SEMA3D: variants seen among roughly 807,000 people sequenced by gnomAD.
The protein encoded by SEMA3D is semaphorin-3D.
Under a neutral mutation model 100.1 loss-of-function variants are expected in SEMA3D, and 84 were observed. The ratio of observed to expected loss-of-function variants is 0.84; its 90% confidence interval spans 0.70 to 1.01. The LOEUF (loss-of-function observed/expected upper bound fraction) is 1.01. Ranked by LOEUF, SEMA3D falls within the 50% of genes least tolerant of loss-of-function variation. SEMA3D has a pLI of 0.00. For synonymous variants in SEMA3D, 312 were observed against 320.7 expected, an observed-to-expected ratio of 0.97 and a Z score of 0.29; for missense variants, 875 against 934.1, an observed-to-expected ratio of 0.94 and a Z score of 0.82.
chr7:85,246,620 T>A, the SEMA3D span, among the ~76,000 whole-genome samples: 1 of 151,966 alleles, frequency 6.6e-6, no homozygotes, highest in African/African-American at 2.4e-5. Flanking sequence ...GTAAATTAGA[T>A]GTGTGAAAAT....
At chr7:85,081,329 T>C (rs536702581) in intron 5 of SEMA3D, among the ~76,000 whole-genome samples, 188 bp downstream of exon 5, 1 of 152,338 alleles carries the variant, frequency 6.6e-6, no homozygotes, top group East Asian at 1.9e-4. Flanking sequence ...TCTTAAATTT[T>C]ATAAATAATA....
At chr7:85,142,075 T>C in intron 2 of SEMA3D, 1 of 984,680 alleles carries the variant, frequency 1.0e-6, no homozygotes, top group South Asian at 4.7e-5. Context: ...TTCTGTGAAC[T>C]ATACAGAAGT....
upstream of SEMA3D, among the ~76,000 whole-genome samples, chr7:85,189,028 A>G (rs981212162): frequency 2.0e-5 from 3 of 152,184 alleles, no homozygotes; most frequent in Non-Finnish European, 4.4e-5. Flanking sequence ...CTCAGACTTC[A>G]AATTTAGACA....
chr7:85,059,554 T>C (rs1024761042), intron 8 of SEMA3D, among the ~76,000 whole-genome samples: 1 of 152,152 alleles, frequency 6.6e-6, no homozygotes, highest in African/African-American at 2.4e-5. Flanking sequence ...ACAAAATGAT[T>C]GAATTGAATT....
chr7:85,121,415 G>A (rs1031034561), intron 3 of SEMA3D, among the ~76,000 whole-genome samples: 10 of 151,932 alleles, frequency 6.6e-5, no homozygotes, highest in Non-Finnish European at 1.5e-4. Flanking sequence ...CTCTAACTAG[G>A]AATAAACTAG....
At chr7:85,213,287 A>T in the SEMA3D span, among the ~76,000 whole-genome samples, 9 of 152,148 alleles carry the variant, frequency 5.9e-5, no homozygotes, top group South Asian at 1.9e-3. Flanking sequence ...AATTTAAAAG[A>T]CTTTACTAGA....
chr7:85,080,595 T>G (rs939843985), intron 5 of SEMA3D, among the ~76,000 whole-genome samples: 1 of 152,152 alleles, frequency 6.6e-6, no homozygotes, highest in African/African-American at 2.4e-5. Context: ...TACAACCTGT[T>G]TTCATCTTGG....
At chr7:85,187,595 C>T (rs1791596969), upstream of SEMA3D, among the ~76,000 whole-genome samples, 1 of 152,168 alleles carries the variant, frequency 6.6e-6, no homozygotes, top group African/African-American at 2.4e-5. Flanking sequence ...TTCCCTTACG[C>T]CAGACCTACA....
At chr7:85,117,759 C>A (rs1263111013) in intron 3 of SEMA3D, among the ~76,000 whole-genome samples, 1 of 142,792 alleles carries the variant, frequency 7.0e-6, no homozygotes, top group African/African-American at 2.7e-5. Flanking sequence ...GGAGACAGAG[C>A]AAGAGTATGT....
intron 4 of SEMA3D, among the ~76,000 whole-genome samples, chr7:85,092,426 G>C (rs1191955780): frequency 6.6e-6 from 1 of 151,512 alleles, no homozygotes; most frequent in Non-Finnish European, 1.5e-5. Flanking sequence ...CAAGTAGAAG[G>C]GCAAAAGAAA....
At chr7:85,008,526 TAC>T (rs1175204425) in intron 17 of SEMA3D, among the ~76,000 whole-genome samples, 1 of 151,364 alleles carries the variant, frequency 6.6e-6, no homozygotes, top group Non-Finnish European at 1.5e-5. Flanking sequence ...TATATACACA[TAC>T]ACACACACAT....
At chr7:85,193,854 A>C in the SEMA3D span, among the ~76,000 whole-genome samples, 3 of 145,106 alleles carry the variant, frequency 2.1e-5, no homozygotes, top group Non-Finnish European at 4.5e-5. Context: ...ATAACAACAA[A>C]AATTATAAAC....
intron 13 of SEMA3D, among the ~76,000 whole-genome samples, chr7:85,020,881 G>A (rs911465251): frequency 6.6e-6 from 1 of 151,408 alleles, no homozygotes; most frequent in Admixed American, 6.6e-5. Context: ...AGAAATGGAA[G>A]GTTTGTTTAA....
At chr7:85,093,365 A>C (rs1257823294) in intron 4 of SEMA3D, among the ~76,000 whole-genome samples, 1 of 151,894 alleles carries the variant, frequency 6.6e-6, no homozygotes, top group East Asian at 1.9e-4. Context: ...TTGCTCCTAA[A>C]AAAGAGATAT....
chr7:85,023,544 A>G (rs1406673949), intron 12 of SEMA3D, among the ~76,000 whole-genome samples: 1 of 151,912 alleles, frequency 6.6e-6, no homozygotes, highest in East Asian at 1.9e-4. Context: ...GCAGTCATAG[A>G]GAATAAAATG....
chr7:85,040,920 TG>T (rs1221172389), intron 10 of SEMA3D, among the ~76,000 whole-genome samples, 178 bp from the exon 11 acceptor site: 2 of 152,148 alleles, frequency 1.3e-5, no homozygotes, highest in Non-Finnish European at 2.9e-5. Flanking sequence ...ATGTATGGTA[TG>T]GTACAATTGA....
intron 1 of SEMA3D, among the ~76,000 whole-genome samples, chr7:85,165,170 C>T (rs1486677483): frequency 2.0e-5 from 3 of 151,550 alleles, no homozygotes; most frequent in South Asian, 2.1e-4. Flanking sequence ...ACATGTGTAA[C>T]GAACCTGCAC....
At chr7:85,236,202 A>C in the SEMA3D span, among the ~76,000 whole-genome samples, 1 of 149,242 alleles carries the variant, frequency 6.7e-6, no homozygotes, top group African/African-American at 2.5e-5. Flanking sequence ...CAACCCAAGA[A>C]CTCCTTTTTG....
chr7:85,083,832 G>A (rs967588384), intron 4 of SEMA3D, among the ~76,000 whole-genome samples: 1 of 132,592 alleles, frequency 7.5e-6, no homozygotes, highest in African/African-American at 2.9e-5. Flanking sequence ...GGGCGACAGA[G>A]CGAGACTCCG....
Sources: allele counts gnomAD v4.1 joint callset (sites outside exome capture counted in the v4.1 genomes callset), GRCh38; gene constraint gnomAD v4.1.1; transcripts MANE v1.5; gene names NCBI Gene and HGNC (gene_info 2026-07-23, HGNC 2026-07-21).